PRKN: variants seen among roughly 807,000 people sequenced by gnomAD.
PRKN encodes the protein E3 ubiquitin-protein ligase parkin.
A neutral mutation model predicts 59.5 loss-of-function variants in PRKN; 56 were observed. That is an observed-to-expected ratio of 0.94 (90% CI 0.76 to 1.18). The LOEUF (loss-of-function observed/expected upper bound fraction) is 1.18. Among genes scored for constraint, PRKN ranks in the 50% most tolerant of loss-of-function variants. PRKN has a pLI of 0.00. For synonymous variants in PRKN, 250 were observed against 222.1 expected, an observed-to-expected ratio of 1.13 and a Z score of -1.12; for missense variants, 657 against 596.4, an observed-to-expected ratio of 1.10 and a Z score of -1.06.
At chr6:162,431,086 T>C (rs1256442474) in intron 2 of PRKN, among the ~76,000 whole-genome samples, 1 of 151,972 alleles carries the variant, frequency 6.6e-6, no homozygotes, top group Admixed American at 6.6e-5. Flanking sequence ...GGCTGGCAGG[T>C]TTTGCAGGGA....
Position 161,498,677 on chromosome 6 carries a change from G to A in PRKN, c.1083+50177C>T, listed in dbSNP as rs1777844076. ...CCTGCCGACCCTGATGGAGAACGAG[G>A]TCACATCAGTCTCCCTGCCAACCCT... On this transcript the variant is annotated intron_variant, in intron 9 of 11. Transcript: ENST00000366898. The surrounding 1 kb of genome is among the most constrained non-coding windows in gnomAD (Gnocchi z 4.2). 6.6e-6 allele frequency among the ~76,000 whole-genome samples: 1 copy of A among 152,108 alleles called. No individual in the cohort carries two copies. Among genetic ancestry groups the A allele is most frequent in the African/African-American group, 2.4e-5 (1 of 41,426 alleles).
intron 6 of PRKN, among the ~76,000 whole-genome samples, chr6:161,946,451 C>CTCT (rs1554253070): frequency 1.4e-4 from 19 of 136,560 alleles, no homozygotes; most frequent in African/African-American, 5.0e-4. Context: ...CTCTCTCTCT[C>CTCT]AATACAAAAG....
At chr6:161,995,618 AAAG>A (rs1789423967) in intron 5 of PRKN, among the ~76,000 whole-genome samples, 1 of 152,196 alleles carries the variant, frequency 6.6e-6, no homozygotes, top group African/African-American at 2.4e-5. Flanking sequence ...ACACTTCTCA[AAAG>A]AAGACATACA....
intron 2 of PRKN, among the ~76,000 whole-genome samples, chr6:162,340,324 T>A (rs527733328): frequency 6.6e-6 from 1 of 152,284 alleles, no homozygotes; most frequent in East Asian, 1.9e-4. Context: ...TCCAACCTTA[T>A]TCTAAAGTTT....
chr6:162,266,050 A>G (rs945998644), intron 2 of PRKN, among the ~76,000 whole-genome samples: 1 of 152,126 alleles, frequency 6.6e-6, no homozygotes. Flanking sequence ...ATCCGAGTAT[A>G]CTCAAGGACT....
intron 7 of PRKN, among the ~76,000 whole-genome samples, chr6:161,737,051 A>G (rs1370671502): frequency 6.6e-6 from 1 of 152,202 alleles, no homozygotes; most frequent in Non-Finnish European, 1.5e-5. Context: ...CACAGGCAGA[A>G]GAAAGAGATG....
At chr6:161,684,939 T>C (rs749803033) in intron 7 of PRKN, among the ~76,000 whole-genome samples, 4 of 152,186 alleles carry the variant, frequency 2.6e-5, no homozygotes, top group Non-Finnish European at 5.9e-5. Flanking sequence ...TGTGTTAAAA[T>C]TCCTAGATGA....
At chr6:161,754,448 G>A (rs1224225433) in intron 7 of PRKN, among the ~76,000 whole-genome samples, 1 of 152,102 alleles carries the variant, frequency 6.6e-6, no homozygotes, top group African/African-American at 2.4e-5. Flanking sequence ...GGCGGAGGCT[G>A]TCCGAGGGGT....
chr6:162,212,955 T>G (rs557385173), intron 3 of PRKN, among the ~76,000 whole-genome samples: 1 of 152,350 alleles, frequency 6.6e-6, no homozygotes, highest in East Asian at 1.9e-4. Context: ...TAGAAACTTT[T>G]TAGCTCAATT....
chr6:162,166,047 C>CAAAAAAAAAAAAAAAAAAAAA (rs10557222), intron 4 of PRKN, among the ~76,000 whole-genome samples: 17 of 80,196 alleles, frequency 2.1e-4, no homozygotes, highest in African/African-American at 8.2e-4. Flanking sequence ...GACTCTATCT[C>CAAAAAAAAAAAAAAAAAAAAA]AAAAAAAAAA....
chr6:162,033,120 C>T (rs547739747), intron 5 of PRKN, among the ~76,000 whole-genome samples: 1 of 152,292 alleles, frequency 6.6e-6, no homozygotes, highest in African/African-American at 2.4e-5. Context: ...TGAATGATCT[C>T]GCCTCCATCA....
At position 161,456,130 on chromosome 6, in the gene PRKN, C is replaced by T. The variant is rs369496896; in HGVS notation, c.1084-69253G>A. ...GATTGAAGGACGCAAAGTATTGTTC[C>T]TGGGTGTGTCTGTGAGGGTGTTGCC... is the stretch of plus-strand genomic sequence containing the variant. On this transcript the variant is annotated intron_variant, in intron 9 of 11. Coordinates refer to ENST00000366898, the MANE Select transcript of PRKN (RefSeq NM_004562.3). This position sits in a 1 kb window ranked among gnomAD's most constrained non-coding sequence, Gnocchi z 4.8. Among the ~76,000 whole-genome samples the T allele has an allele frequency of 2.0e-5, 3 of 152,098 alleles. No homozygotes were observed. The highest frequency in any genetic ancestry group is 7.2e-5 in the African/African-American group (3 of 41,428).
intron 4 of PRKN, among the ~76,000 whole-genome samples, chr6:162,118,849 T>C (rs557973609): frequency 1.2e-4 from 18 of 152,328 alleles, no homozygotes; most frequent in Non-Finnish European, 2.2e-4. Flanking sequence ...ACGAAGATGA[T>C]GATGTCTTCC....
At chr6:161,746,546 T>G (rs1401893273) in intron 7 of PRKN, among the ~76,000 whole-genome samples, 2 of 147,160 alleles carry the variant, frequency 1.4e-5, no homozygotes, top group Non-Finnish European at 3.0e-5. Context: ...AAGGTACATT[T>G]ATCTATTTTT....
chr6:161,493,175 C>T (rs1290598526), intron 9 of PRKN, among the ~76,000 whole-genome samples: 1 of 152,108 alleles, frequency 6.6e-6, no homozygotes, highest in Non-Finnish European at 1.5e-5. Context: ...AGGATCATAG[C>T]CTATTCATAT....
chr6:162,253,068 G>A (rs1416239471), intron 3 of PRKN, among the ~76,000 whole-genome samples: 5 of 152,178 alleles, frequency 3.3e-5, no homozygotes, highest in African/African-American at 9.7e-5. Flanking sequence ...TGGCCAGGAC[G>A]CTGTTGTCTA....
At chr6:162,024,247 G>A (rs1783331785) in intron 5 of PRKN, among the ~76,000 whole-genome samples, 1 of 115,522 alleles carries the variant, frequency 8.7e-6, no homozygotes, top group Non-Finnish European at 1.6e-5. Flanking sequence ...GCCCAGGCTA[G>A]AGTGCAATAG....
chr6:162,482,489 T>C lies in PRKN; in HGVS notation c.8-39016A>G, dbSNP rs556486168. On this transcript the variant is annotated intron_variant, in intron 1 of 11. Transcript: ENST00000366898. ...ATGAGTCTACATCTTCATAAAACTGTGTGACTGAGAGTGCATCAGGGGTTA... is the reference window on the plus strand; with the variant it reads ...ATGAGTCTACATCTTCATAAAACTGCGTGACTGAGAGTGCATCAGGGGTTA... Among the ~76,000 whole-genome samples, 3 of 152,260 alleles carry C rather than the reference T, an allele frequency of 2.0e-5. No homozygotes were observed. In the East Asian group the frequency reaches 5.8e-4, roughly 29 times the overall value.
At position 161,710,354 on chromosome 6, in the gene PRKN, C is replaced by T. The variant is rs150081790; in HGVS notation, c.871+75418G>A. Among the ~76,000 whole-genome samples the T allele has an allele frequency of 1.5e-3, 227 of 152,218 alleles. No individual in the cohort carries two copies. In the East Asian group the frequency reaches 0.026, roughly 17 times the overall value. ...CCCATGGGGTTACATCCACGTAAAC[C>T]CGTCCTAAGTTGAAAATACCATTTG... On this transcript the variant is annotated intron_variant, in intron 7 of 11. Transcript: ENST00000366898.
Sources: gnomAD v4.1 joint callset for allele counts (sites outside exome capture counted in the v4.1 genomes callset) on GRCh38, gnomAD v4.1.1 for gene constraint, Gnocchi (gnomAD v3.1) non-coding constraint, MANE v1.5 for transcripts, NCBI Gene and HGNC (gene_info 2026-07-23, HGNC 2026-07-21) for gene names.